GABBR2: variants seen among roughly 807,000 people sequenced by gnomAD.
GABBR2 encodes the protein gamma-aminobutyric acid type B receptor subunit 2.
A neutral mutation model predicts 105.6 loss-of-function variants in GABBR2; 23 were observed. The ratio of observed to expected loss-of-function variants is 0.22; its 90% confidence interval spans 0.16 to 0.31. The LOEUF is 0.31. Among genes scored for constraint, GABBR2 ranks in the 10% least tolerant of loss-of-function variants. The pLI, the probability that GABBR2 is intolerant of heterozygous loss-of-function variation, is 1.00. For missense variants in GABBR2, 734 were observed against 1,245.5 expected, an observed-to-expected ratio of 0.59 and a Z score of 6.18; for synonymous variants, 478 against 499.7, an observed-to-expected ratio of 0.96 and a Z score of 0.58.
At chr9:98,371,615 G>T in intron 11 of GABBR2, 44 bp from the exon 12 acceptor site, 2 of 1,058,560 alleles carry the variant, frequency 1.9e-6, no homozygotes, top group South Asian at 2.5e-5. Context: ...TCCTTAGGTA[G>T]ACAGACTTCA....
chr9:98,358,266 C>T (rs897763708), intron 13 of GABBR2, among the ~76,000 whole-genome samples: 8 of 152,182 alleles, frequency 5.3e-5, no homozygotes, highest in Non-Finnish European at 7.3e-5. Flanking sequence ...GCATCTTTGA[C>T]ATGACTCATG....
chr9:98,486,617 C>G (rs983479625), intron 4 of GABBR2, among the ~76,000 whole-genome samples: 1 of 152,162 alleles, frequency 6.6e-6, no homozygotes, highest in Admixed American at 6.5e-5. Context: ...AGCCTAGCCT[C>G]GCAGACTACC....
intron 8 of GABBR2, among the ~76,000 whole-genome samples, chr9:98,400,033 A>C (rs1832364595): frequency 6.6e-6 from 1 of 150,958 alleles, no homozygotes; most frequent in Admixed American, 6.6e-5. Context: ...AAAAAAAAAA[A>C]ACCTAGCCAG....
intron 2 of GABBR2, among the ~76,000 whole-genome samples, chr9:98,555,041 G>A (rs543556866): frequency 6.6e-6 from 1 of 152,318 alleles, no homozygotes; most frequent in Admixed American, 6.5e-5. Flanking sequence ...GGGTCAGACA[G>A]GCACATTCCC....
At chr9:98,431,924 C>T (rs914855875) in intron 7 of GABBR2, among the ~76,000 whole-genome samples, 3 of 151,944 alleles carry the variant, frequency 2.0e-5, no homozygotes, top group African/African-American at 7.3e-5. Flanking sequence ...GAGATGGAGT[C>T]TCGTTCTGCT....
chr9:98,643,026 G>A (rs962187298), intron 1 of GABBR2, among the ~76,000 whole-genome samples: 1 of 152,198 alleles, frequency 6.6e-6, no homozygotes, highest in African/African-American at 2.4e-5. Flanking sequence ...CAGACTCTGA[G>A]ATAAAGATGT....
intron 13 of GABBR2, among the ~76,000 whole-genome samples, chr9:98,342,761 T>A (rs1397649656): frequency 6.6e-6 from 1 of 152,194 alleles, no homozygotes; most frequent in Non-Finnish European, 1.5e-5. Context: ...ATCCAAAGCC[T>A]TTGGCCACCA....
At chr9:98,590,918 T>C (rs1398021425) in intron 1 of GABBR2, among the ~76,000 whole-genome samples, 1 of 152,190 alleles carries the variant, frequency 6.6e-6, no homozygotes. Context: ...AGTTAGAGAA[T>C]ATTCATTCAT....
intron 1 of GABBR2, chr9:98,607,115 T>C: frequency 2.5e-6 from 4 of 1,607,912 alleles, no homozygotes; most frequent in Non-Finnish European, 3.4e-6. Context: ...GGTGGAACAA[T>C]CCAAAGTTTT....
chr9:98,624,314 G>A (rs1402592600), intron 1 of GABBR2, among the ~76,000 whole-genome samples: 1 of 152,194 alleles, frequency 6.6e-6, no homozygotes, highest in Non-Finnish European at 1.5e-5. Flanking sequence ...AGGCCAAGCA[G>A]ACACCATGAC....
chr9:98,438,890 C>G (rs1219647318), intron 7 of GABBR2, among the ~76,000 whole-genome samples: 3 of 152,090 alleles, frequency 2.0e-5, no homozygotes, highest in Non-Finnish European at 4.4e-5. Context: ...GGATCCCTCT[C>G]CCTTCTCTCT....
intron 7 of GABBR2, among the ~76,000 whole-genome samples, chr9:98,436,639 C>T (rs1302239628): frequency 3.3e-5 from 5 of 151,276 alleles, no homozygotes; most frequent in Admixed American, 3.3e-4. Flanking sequence ...GCCCCGTGCT[C>T]CTCCTATTAC....
intron 4 of GABBR2, chr9:98,496,204 C>A: frequency 1.7e-6 from 1 of 585,938 alleles, no homozygotes; most frequent in Admixed American, 2.9e-5. Flanking sequence ...GGCTGTGCAC[C>A]TGCAGCCAGC....
chr9:98,653,008 A>AT (rs1459523308), intron 1 of GABBR2, among the ~76,000 whole-genome samples: 2 of 152,086 alleles, frequency 1.3e-5, no homozygotes, highest in Non-Finnish European at 2.9e-5. Flanking sequence ...TTAACTAATC[A>AT]TTTTTAGAGT....
intron 3 of GABBR2, among the ~76,000 whole-genome samples, chr9:98,524,485 T>G (rs1438282660): frequency 6.6e-6 from 1 of 152,242 alleles, no homozygotes; most frequent in Admixed American, 6.5e-5. Context: ...ATTTATCCAA[T>G]AGCCTATTCA....
At chr9:98,608,581 A>G (rs1285268528) in intron 1 of GABBR2, among the ~76,000 whole-genome samples, 3 of 152,226 alleles carry the variant, frequency 2.0e-5, no homozygotes, top group African/African-American at 7.2e-5. Context: ...CAGTATATAC[A>G]ATAATGTAAT....
chr9:98,670,398 T>C (rs745766468), intron 1 of GABBR2, among the ~76,000 whole-genome samples: 2 of 152,176 alleles, frequency 1.3e-5, no homozygotes, highest in Non-Finnish European at 2.9e-5. Flanking sequence ...GGTGGGAATG[T>C]AAAATGATAC....
chr9:98,594,239 T>G (rs959596983), intron 1 of GABBR2, among the ~76,000 whole-genome samples: 6 of 152,274 alleles, frequency 3.9e-5, no homozygotes, highest in Non-Finnish European at 5.9e-5. Flanking sequence ...GAAGCCCTAA[T>G]GCACCTTCCC....
chr9:98,336,184 A>T (rs902657990), intron 13 of GABBR2, among the ~76,000 whole-genome samples: 3 of 152,022 alleles, frequency 2.0e-5, no homozygotes, highest in Admixed American at 6.5e-5. Flanking sequence ...CAGGCAGAAG[A>T]ATCATGAATG....
Sources: allele counts gnomAD v4.1 joint callset (sites outside exome capture counted in the v4.1 genomes callset), GRCh38; gene constraint gnomAD v4.1.1; transcripts MANE v1.5; gene names NCBI Gene and HGNC (gene_info 2026-07-23, HGNC 2026-07-21).